Variants in AFTPH observed in about 807,000 individuals in gnomAD.
AFTPH encodes the protein aftiphilin protein.
In AFTPH, 7 loss-of-function variants were observed where a neutral mutation model predicts 72.5. That is an observed-to-expected ratio of 0.10 (90% CI 0.05 to 0.18). The LOEUF is 0.18. Ranked by LOEUF, AFTPH falls within the 10% of genes least tolerant of loss-of-function variation. AFTPH has a pLI of 1.00. For missense variants in AFTPH, 979 were observed against 1,060.5 expected, an observed-to-expected ratio of 0.92 and a Z score of 1.07; for synonymous variants, 337 against 370.1, an observed-to-expected ratio of 0.91 and a Z score of 1.03.
intron 1 of AFTPH, among the ~76,000 whole-genome samples, chr2:64,537,326 T>C (rs1669950786): frequency 2.0e-5 from 3 of 152,178 alleles, no homozygotes. Flanking sequence ...TCGGGTACTA[T>C]GCTTATTACC....
At chr2:64,571,865 C>T (rs1386173429) in intron 5 of AFTPH, among the ~76,000 whole-genome samples, 2 of 151,358 alleles carry the variant, frequency 1.3e-5, no homozygotes, top group South Asian at 2.1e-4. Flanking sequence ...ATGAAAAATA[C>T]TGATTTTTTT....
intron 1 of AFTPH, among the ~76,000 whole-genome samples, chr2:64,531,322 T>C (rs1669622205): frequency 2.6e-5 from 4 of 152,182 alleles, no homozygotes; most frequent in Admixed American, 2.0e-4. Flanking sequence ...GAGGTTATAA[T>C]AAAATCACTC....
At chr2:64,550,455 T>A (rs1670959044) in intron 1 of AFTPH, among the ~76,000 whole-genome samples, 1 of 152,182 alleles carries the variant, frequency 6.6e-6, no homozygotes, top group Non-Finnish European at 1.5e-5. Flanking sequence ...AAAAGCCAGC[T>A]TCAAAGGGTT....
chr2:64,557,071 T>C (rs902339770), intron 2 of AFTPH, among the ~76,000 whole-genome samples: 1 of 151,914 alleles, frequency 6.6e-6, no homozygotes, highest in Admixed American at 6.5e-5. Context: ...TTATGAGTGT[T>C]ATTTTAACAA....
chr2:64,535,501 A>G (rs1222509343), intron 1 of AFTPH, among the ~76,000 whole-genome samples: 2 of 152,184 alleles, frequency 1.3e-5, no homozygotes, highest in Non-Finnish European at 2.9e-5. Flanking sequence ...TTTGAGTCCC[A>G]CTTTCCTTAC....
At chr2:64,562,773 G>A (rs1671818472) in intron 2 of AFTPH, among the ~76,000 whole-genome samples, 1 of 152,190 alleles carries the variant, frequency 6.6e-6, no homozygotes, top group African/African-American at 2.4e-5. Flanking sequence ...CAGCTTCTGA[G>A]TAGGTTTCAG....
At position 64,556,679 on chromosome 2, in the gene AFTPH, T is replaced by C. The variant is rs143953721; in HGVS notation, c.1935+3270T>C. Among the ~76,000 whole-genome samples, 199 of 152,290 alleles carry C rather than the reference T, an allele frequency of 1.3e-3. 1 individual carries two copies. The highest frequency in any genetic ancestry group is 4.2e-3 in the African/African-American group (174 of 41,552). On this transcript the variant is annotated intron_variant, in intron 2 of 8. Coordinates refer to ENST00000238856, the Ensembl canonical transcript of AFTPH. ...TAAAATGTTAATAAATATGTCTTCG[T>C]TGGGGTTAGTGCAATAATTTGTTAC...
chr2:64,527,212 T>G (rs75730054), intron 1 of AFTPH, among the ~76,000 whole-genome samples: 2 of 152,142 alleles, frequency 1.3e-5, no homozygotes, highest in Non-Finnish European at 2.9e-5. Context: ...TTAACACACC[T>G]GGGTGATGGT....
chr2:64,592,855 G>A (rs1673901908), exon 9 of AFTPH: 1 of 152,540 alleles, frequency 6.6e-6, no homozygotes, highest in Non-Finnish European at 1.5e-5. Context: ...GAAAACTATG[G>A]GTTTTAAATG....
chr2:64,534,990 TATTGACG>T (rs1669809835), intron 1 of AFTPH, among the ~76,000 whole-genome samples: 1 of 152,118 alleles, frequency 6.6e-6, no homozygotes, highest in Admixed American at 6.5e-5. Context: ...TTAAGAAGAG[TATTGACG>T]ATTTAATATT....
intron 1 of AFTPH, among the ~76,000 whole-genome samples, chr2:64,539,987 T>C (rs1282784517): frequency 1.3e-5 from 2 of 152,130 alleles, no homozygotes; most frequent in Non-Finnish European, 2.9e-5. Context: ...TGAACGTTTA[T>C]AGGAAAGGAT....
At chr2:64,584,648 G>C (rs938709549) in intron 7 of AFTPH, among the ~76,000 whole-genome samples, 1 of 143,904 alleles carries the variant, frequency 6.9e-6, no homozygotes, top group Non-Finnish European at 1.5e-5. Flanking sequence ...CCAGGCTGGA[G>C]TGCAGTGGCG....
chr2:64,569,046 G>A (rs939896911), intron 3 of AFTPH, 46 bp from the exon 4 acceptor site: 55 of 1,611,630 alleles, frequency 3.4e-5, no homozygotes, highest in Non-Finnish European at 4.6e-5. Flanking sequence ...CATGGTGAAA[G>A]TTATTGAGTA....
intron 1 of AFTPH, among the ~76,000 whole-genome samples, chr2:64,546,052 C>G (rs1413996016): frequency 6.6e-6 from 1 of 151,990 alleles, no homozygotes; most frequent in Admixed American, 6.6e-5. Flanking sequence ...GCCACCACGC[C>G]TGGCTAATTT....
intron 7 of AFTPH, among the ~76,000 whole-genome samples, chr2:64,582,868 G>T (rs888700120): frequency 8.5e-5 from 13 of 152,134 alleles, no homozygotes; most frequent in Non-Finnish European, 4.4e-5. Flanking sequence ...ATATAAAGAA[G>T]TACAGAAATG....
At chr2:64,581,008 C>A in intron 7 of AFTPH, 182 bp from the exon 8 acceptor site, 1 of 422,818 alleles carries the variant, frequency 2.4e-6, no homozygotes, top group Non-Finnish European at 4.2e-6. Context: ...TTAGAAATGT[C>A]CTTAGTAATG....
intron 2 of AFTPH, among the ~76,000 whole-genome samples, chr2:64,560,576 GAAGT>G (rs1671660810): frequency 6.6e-6 from 1 of 152,082 alleles, no homozygotes; most frequent in South Asian, 2.1e-4. Flanking sequence ...TGGTTAACAG[GAAGT>G]AATAGGGAGG....
At chr2:64,536,283 C>T (rs946505346) in intron 1 of AFTPH, among the ~76,000 whole-genome samples, 9 of 152,004 alleles carry the variant, frequency 5.9e-5, no homozygotes, top group African/African-American at 1.9e-4. Context: ...TATAGGGAAG[C>T]GGCTGAGCAT....
chr2:64,564,098 CT>C (rs923767287), intron 2 of AFTPH, among the ~76,000 whole-genome samples: 26 of 152,046 alleles, frequency 1.7e-4, no homozygotes, highest in African/African-American at 5.3e-4. Flanking sequence ...AAACTAGGTA[CT>C]TTTTTTTCCC....
Sources: gnomAD v4.1 joint callset for allele counts (sites outside exome capture counted in the v4.1 genomes callset) on GRCh38, gnomAD v4.1.1 for gene constraint, MANE v1.5 for transcripts, NCBI Gene and HGNC (gene_info 2026-07-23, HGNC 2026-07-21) for gene names.